The following HPS5 variants were observed in gnomAD, a reference collection of about 807,000 sequenced individuals.
The protein encoded by HPS5 is BLOC-2 complex member HPS5.
HPS5 carries 83 observed loss-of-function variants against 128.0 expected under a neutral mutation model. The ratio of observed to expected loss-of-function variants is 0.65; its 90% CI spans 0.54 to 0.78. The LOEUF (loss-of-function observed/expected upper bound fraction) is 0.78. Ranked by LOEUF, HPS5 falls within the 30% of genes least tolerant of loss-of-function variation. The pLI is 0.00. For synonymous variants in HPS5, 475 were observed against 470.2 expected (o/e 1.01, Z -0.13); for missense variants, 1,281 against 1,326.2 (o/e 0.97, Z 0.53).
chr11:18,287,882 G>T lies in HPS5; in HGVS notation c.2561+11C>A, dbSNP rs1278590778. The T allele has an allele frequency of 6.2e-7, 1 of 1,613,846 alleles. No individual in the cohort carries two copies. The highest frequency in any genetic ancestry group is 8.5e-7 in the Non-Finnish European group (1 of 1,179,960). ...CTTTAGCTCATATAAACAATATACA[G>T]GACAACTTACCGGGTAGCATAAACA... On this transcript the variant is annotated intron_variant, in intron 17 of 22. Coordinates refer to ENST00000349215, the MANE Select transcript of HPS5 (RefSeq NM_181507.2).
chr11:18,286,628 G>T lies in HPS5; in HGVS notation c.2800C>A (p.Pro934Thr). Reference sequence around the variant, plus strand: ...TCATCATCCATTGTGCTGGTGCTTGGTGGAGCATCAAGGGACACTGCCAAA... The same window carrying T: ...TCATCATCCATTGTGCTGGTGCTTGTTGGAGCATCAAGGGACACTGCCAAA... ...LLLAVSLDAP[P>T]STSTMDDEGY... Residue 934 changes from proline to threonine, a missense_variant, in exon 19 of 23, where the codon CCA (proline) becomes ACA (threonine). Coordinates refer to ENST00000349215, the MANE Select transcript of HPS5 (RefSeq NM_181507.2). 6.2e-7 allele frequency: 1 copy of T among 1,614,080 alleles called. No individual in the cohort carries two copies. Among genetic ancestry groups the T allele is most frequent in the Non-Finnish European group, 8.5e-7 (1 of 1,180,000 alleles).
At chr11:18,292,085 G>C (rs147523323) in intron 15 of HPS5, 66 bp from the exon 16 acceptor site, 4 of 1,247,766 alleles carry the variant, frequency 3.2e-6, no homozygotes, top group East Asian at 2.3e-5. Flanking sequence ...ATTAATTCAT[G>C]CTAATAAATT....
chr11:18,282,255 T>C (rs754996039), intron 21 of HPS5, 35 bp from the exon 22 acceptor site: 1 of 1,612,094 alleles, frequency 6.2e-7, no homozygotes, highest in Admixed American at 1.7e-5. Context: ...GTTTGACCAC[T>C]CTTAGCACAC....
At position 18,279,797 on chromosome 11, in the gene HPS5, TTCAA is replaced by T. The variant is rs1858627646; in HGVS notation, c.*81_*84del. 3.0e-6 allele frequency: 4 copies of T among 1,353,310 alleles called. No homozygotes were observed. In the Admixed American group the frequency reaches 5.2e-5, roughly 18 times the overall value. The allele number at this position is 1,353,310 out of a possible 1,614,324, so 83.8% of individuals were successfully genotyped here. ...CAGGATTTGGGGGTGGTGTCTTTCC[TTCAA>T]TAACAAATGCGTTCAGAAGGTTCAG... On this transcript the variant is annotated 3_prime_UTR_variant, in exon 23 of 23. Coordinates refer to ENST00000349215, the MANE Select transcript of HPS5 (RefSeq NM_181507.2).
rs375337479 is a variant in HPS5 at position 18,296,065 on chromosome 11, G to A, written c.1568C>T (p.Pro523Leu). ...FETDKNETFLPFGIPLPFRSP... is the reference protein window; with the variant it reads ...FETDKNETFLLFGIPLPFRSP... ...ACGAAATGGTAATGGAATGCCGAACGGGAGAAAAGTTTCATTCTTATCTGT... is the reference window on the plus strand; with the variant it reads ...ACGAAATGGTAATGGAATGCCGAACAGGAGAAAAGTTTCATTCTTATCTGT... The change falls in exon 13 of 23, where the codon CCG (proline) becomes CTG (leucine). Residue 523 changes from proline to leucine, a missense_variant. Pro to Leu is a moderately conservative substitution (Grantham distance 98). Coordinates refer to ENST00000349215, the MANE Select transcript of HPS5 (RefSeq NM_181507.2). 37 of 1,612,834 alleles carry A rather than the reference G, an allele frequency of 2.3e-5. No individual in the cohort carries two copies. Among genetic ancestry groups the A allele is most frequent in the Non-Finnish European group, 2.8e-5 (33 of 1,178,982 alleles).
chr11:18,305,544 T>C (rs1265000451), intron 7 of HPS5, 51 bp from the exon 8 acceptor site: 3 of 1,400,666 alleles, frequency 2.1e-6, no homozygotes, highest in Non-Finnish European at 1.0e-6. Flanking sequence ...AAGTATAACA[T>C]AAAATTACAC....
rs370386185 is a variant in HPS5, at chr11:18,312,797, A to T, written c.109-773T>A. Among the ~76,000 whole-genome samples the T allele has an allele frequency of 4.7e-4, 71 of 152,342 alleles. No homozygotes were observed. In the East Asian group the frequency reaches 0.011, roughly 23 times the overall value. On this transcript the variant is annotated intron_variant, in intron 2 of 22. Coordinates refer to ENST00000349215, the MANE Select transcript of HPS5 (RefSeq NM_181507.2). ...GAGACAGGACACATATTGCAAAAGCAGCTAAAAGCTAACATATGTGCAATG... is the reference window on the plus strand; with the variant it reads ...GAGACAGGACACATATTGCAAAAGCTGCTAAAAGCTAACATATGTGCAATG...
At chr11:18,293,299 G>A (rs1860663434) in intron 14 of HPS5, among the ~76,000 whole-genome samples, 1 of 152,134 alleles carries the variant, frequency 6.6e-6, no homozygotes, top group African/African-American at 2.4e-5. Flanking sequence ...CTCCCGAATA[G>A]CTGGGACTAC....
At chr11:18,315,875 A>G (rs368116853) in intron 2 of HPS5, among the ~76,000 whole-genome samples, 32 of 152,262 alleles carry the variant, frequency 2.1e-4, no homozygotes, top group African/African-American at 7.5e-4. Context: ...TCTGCCTCCC[A>G]CTTGCTAGGT....
At chr11:18,285,687 TTTC>T (rs1186341641) in intron 19 of HPS5, among the ~76,000 whole-genome samples, 1 of 152,224 alleles carries the variant, frequency 6.6e-6, no homozygotes, top group Non-Finnish European at 1.5e-5. Context: ...TAAATTCTTT[TTTC>T]TTCTTTTAAT....
chr11:18,310,976 C>G, intron 4 of HPS5, 43 bp from the exon 5 acceptor site: 2 of 1,487,196 alleles, frequency 1.3e-6, no homozygotes, highest in Non-Finnish European at 9.4e-7. Context: ...CAACAGTGAA[C>G]AAGGTACAAT....
At chr11:18,283,988 A>T (rs1859367114) in intron 20 of HPS5, 87 bp from the exon 21 acceptor site, 2 of 828,546 alleles carry the variant, frequency 2.4e-6, no homozygotes, top group Non-Finnish European at 4.1e-6. Context: ...ACACAGTCAC[A>T]TGTGGCTATT....
chr11:18,311,937 G>A lies in HPS5; in HGVS notation c.196C>T (p.His66Tyr), dbSNP rs1238645610. 1 of 1,613,476 alleles carries A rather than the reference G, an allele frequency of 6.2e-7. No individual in the cohort carries two copies. Among genetic ancestry groups the A allele is most frequent in the South Asian group, 1.1e-5 (1 of 91,072 alleles). ...ACCCTGTGTGAAAGAAAAAGCCTGTGCTTCCAGCCTTCTTTCTGAATGAGA... is the reference window on the plus strand; with the variant it reads ...ACCCTGTGTGAAAGAAAAAGCCTGTACTTCCAGCCTTCTTTCTGAATGAGA... ...LHLIQKEGWK[H>Y]RLFLSHREGA... Residue 66 changes from histidine (H) to tyrosine (Y), a missense_variant, in exon 3 of 23, where the codon CAC (histidine) becomes TAC (tyrosine). By Grantham distance (83) the His-to-Tyr change is moderately conservative (BLOSUM62 2). Coordinates refer to ENST00000349215, the MANE Select transcript of HPS5 (RefSeq NM_181507.2).
At chr11:18,315,865 T>C (rs1262131390) in intron 2 of HPS5, among the ~76,000 whole-genome samples, 1 of 152,224 alleles carries the variant, frequency 6.6e-6, no homozygotes, top group African/African-American at 2.4e-5. Flanking sequence ...CCTTCCCATG[T>C]CTGCCTCCCA....
At chr11:18,290,092 C>A (rs1860216386) in intron 16 of HPS5, among the ~76,000 whole-genome samples, 1 of 152,200 alleles carries the variant, frequency 6.6e-6, no homozygotes, top group South Asian at 2.1e-4. Context: ...TAAGCCACTA[C>A]CAGGCCAGGC....
chr11:18,291,090 C>T (rs12294486), intron 16 of HPS5, among the ~76,000 whole-genome samples: 65,496 of 151,934 alleles, frequency 0.43, 16,008 homozygotes, highest in East Asian at 0.59. Flanking sequence ...TGGTGGTGCA[C>T]GCCTGCAGTC....
At chr11:18,280,661 A>G (rs1235217328) in intron 22 of HPS5, 2 of 673,232 alleles carry the variant, frequency 3.0e-6, no homozygotes, top group African/African-American at 1.8e-5. Context: ...AGATGAATGG[A>G]TAAACAAAAG....
intron 9 of HPS5, among the ~76,000 whole-genome samples, chr11:18,299,171 T>C (rs1222353984): frequency 1.3e-5 from 2 of 152,186 alleles, no homozygotes; most frequent in Non-Finnish European, 2.9e-5. Flanking sequence ...ATAAAAGATG[T>C]GAAGAAAGAA....
rs781088844 is a variant in HPS5 at position 18,298,902 on chromosome 11, G to C, written c.1054C>G (p.Leu352Val). 1 of 1,614,214 alleles carries C rather than the reference G, an allele frequency of 6.2e-7. No individual in the cohort carries two copies. Among genetic ancestry groups the C allele is most frequent in the Non-Finnish European group, 8.5e-7 (1 of 1,180,002 alleles). The change falls in exon 10 of 23, where the codon CTC becomes GTC. Residue 352 changes from leucine to valine, a missense_variant. By Grantham distance (32) the Leu-to-Val change is conservative. Transcript: ENST00000349215. ...CAGCGCTCCACAGATATCAGGGAGA[G>C]ATGTGAGACTTTCCCATTTAGGTGC... Reference protein sequence around the residue: ...CLHLNGKVSHLSLISVERCVE... With the variant: ...CLHLNGKVSHVSLISVERCVE...
Sources: allele counts gnomAD v4.1 joint callset (sites outside exome capture counted in the v4.1 genomes callset), GRCh38; gene constraint gnomAD v4.1.1; transcripts MANE v1.5; gene names NCBI Gene and HGNC (gene_info 2026-07-23, HGNC 2026-07-21).